Variants in SFRP2 observed in about 807,000 individuals in gnomAD.
SFRP2 encodes secreted frizzled-related protein 2.
SFRP2 carries 16 observed loss-of-function variants against 26.0 expected under a neutral mutation model. That is an observed-to-expected ratio of 0.61 (90% CI 0.42 to 0.93). SFRP2 has a LOEUF of 0.93. Ranked by LOEUF, SFRP2 falls within the 40% of genes least tolerant of loss-of-function variation. SFRP2 has a pLI of 0.00. For synonymous variants in SFRP2, 173 were observed against 167.3 expected, an observed-to-expected ratio of 1.03 and a Z score of -0.26; for missense variants, 343 against 392.4, an observed-to-expected ratio of 0.87 and a Z score of 1.06.
chr4:153,788,666 T>C lies in SFRP2; in HGVS notation c.170A>G (p.Asn57Ser). 6.2e-7 allele frequency: 1 copy of C among 1,614,138 alleles called. No individual in the cohort carries two copies. Among genetic ancestry groups the C allele is most frequent in the South Asian group, 1.1e-5 (1 of 91,084 alleles). Residue 57 changes from asparagine (N) to serine (S), a missense_variant, in exon 1 of 3, where the codon AAC becomes AGC. Coordinates refer to ENST00000274063, the MANE Select transcript of SFRP2 (RefSeq NM_003013.3). ...GCCCAGCAGGTTGGGCAGCCGCATG[T>C]TCTGGTATTCGATGCCGTGGCACAG... is the stretch of plus-strand genomic sequence containing the variant. ...LQLCHGIEYQ[N>S]MRLPNLLGHE...
In SFRP2 at chr4:153,788,290, G is replaced by C. The variant is rs560480764; in HGVS notation, c.502+44C>G. 4.9e-5 allele frequency: 77 copies of C among 1,578,394 alleles called. No homozygotes were observed. The East Asian group carries it at 1.4e-3, about 29-fold the overall frequency. On this transcript the variant is annotated intron_variant, in intron 1 of 2. Coordinates refer to ENST00000274063, the MANE Select transcript of SFRP2 (RefSeq NM_003013.3). ...GGCAGGGGCGGGATCTCCTGGGAGC[G>C]TCTCAGCCCAGCAGGGAGTGGGGAA...
chr4:153,788,530 G>C lies in SFRP2; in HGVS notation c.306C>G (p.Val102=), dbSNP rs1327889580. The change falls in exon 1 of 3, where the codon GTC becomes GTG. Residue 102 remains valine (V), a synonymous_variant. Transcript: ENST00000274063. ...KKFLCSLFAP[V]CLDDLDETIQ... ...TGGTCTCGTCTAGGTCATCGAGGCA[G>C]ACGGGGGCGAAGAGCGAGCACAGGA... The C allele has an allele frequency of 2.5e-6, 4 of 1,614,226 alleles. No individual in the cohort carries two copies. Among genetic ancestry groups the C allele is most frequent in the Non-Finnish European group, 3.4e-6 (4 of 1,180,038 alleles).
chr4:153,788,734 G>A lies in SFRP2; in HGVS notation c.102C>T (p.Ser34=). ...TGGGCTTGCAATTGCTGCGCTTGTA[G>A]GAGAAGTCGGGCTGGCCAAAGAGGA... ...GLFLFGQPDF[S]YKRSNCKPIP... The change falls in exon 1 of 3, where the codon TCC becomes TCT. Residue 34 remains serine, a synonymous_variant. Transcript: ENST00000274063. The A allele has an allele frequency of 6.2e-7, 1 of 1,613,476 alleles. No individual in the cohort carries two copies. The highest frequency in any genetic ancestry group is 8.5e-7 in the Non-Finnish European group (1 of 1,180,020).
Position 153,781,506 on chromosome 4 carries a change from T to G in SFRP2, c.833A>C (p.Lys278Thr). The G allele has an allele frequency of 6.2e-7, 1 of 1,614,140 alleles. No homozygotes were observed. Among genetic ancestry groups the G allele is most frequent in the South Asian group, 1.1e-5 (1 of 91,082 alleles). The change falls in exon 3 of 3, where the codon AAG becomes ACG. Residue 278 changes from lysine to threonine, a missense_variant. Around this residue, in one of 2 missense-constraint regions of SFRP2, gnomAD observed 92 missense variants for 139.0 expected, o/e 0.66. Transcript: ENST00000274063. ...GATGCGCTTGAACTCTCTCTGCCCC[T>G]TCTGCCACCGCTTCACCGAGGTGAT... The part of the protein sequence containing the change: ...LVITSVKRWQ[K>T]GQREFKRISR...
At position 153,788,681 on chromosome 4, in the gene SFRP2, C is replaced by T; in HGVS notation, c.155G>A (p.Gly52Asp). The change falls in exon 1 of 3, where the codon GGC becomes GAC. Residue 52 changes from glycine to aspartate, a missense_variant. By Grantham distance (94) the Gly-to-Asp change is moderately conservative. Coordinates refer to ENST00000274063, the MANE Select transcript of SFRP2 (RefSeq NM_003013.3). ...CAGCCGCATGTTCTGGTATTCGATGCCGTGGCACAGCTGCAGGTTGGCAGG... is the reference window on the plus strand; with the variant it reads ...CAGCCGCATGTTCTGGTATTCGATGTCGTGGCACAGCTGCAGGTTGGCAGG... The part of the protein sequence containing the change: ...PIPANLQLCH[G>D]IEYQNMRLPN... 1 of 1,614,124 alleles carries T rather than the reference C, an allele frequency of 6.2e-7. No homozygotes were observed. Among genetic ancestry groups the T allele is most frequent in the South Asian group, 1.1e-5 (1 of 91,088 alleles).
chr4:153,784,735 A>G (rs187522691), intron 2 of SFRP2, among the ~76,000 whole-genome samples: 44 of 152,332 alleles, frequency 2.9e-4, no homozygotes, highest in Middle Eastern at 3.4e-3. Context: ...ATATGGGTCT[A>G]TTAGACTCCA....
rs767611732 is a variant in SFRP2 at position 153,781,723 on chromosome 4, T to C, written c.616A>G (p.Ile206Val). ...LKIKVKEITY[I>V]NRDTKIILET... ...AGGATGATTTTGGTATCTCGGTTGA[T>C]GTAGGTTATCTCCTTCACTTTTATT... Residue 206 changes from isoleucine (I) to valine (V), a missense_variant, in exon 3 of 3, where the codon ATC (isoleucine) becomes GTC (valine). Physicochemically the swap from Ile to Val is conservative, Grantham distance 29 (BLOSUM62 3). This residue lies in a region of SFRP2 where 92 missense variants were observed against 139.0 expected (regional missense o/e 0.66). Coordinates refer to ENST00000274063, the MANE Select transcript of SFRP2 (RefSeq NM_003013.3). 1.2e-6 allele frequency: 2 copies of C among 1,614,166 alleles called. No homozygotes were observed. The highest frequency in any genetic ancestry group is 1.7e-6 in the Non-Finnish European group (2 of 1,180,004).
At chr4:153,783,751 T>G (rs1188978613) in intron 2 of SFRP2, among the ~76,000 whole-genome samples, 2 of 152,212 alleles carry the variant, frequency 1.3e-5, no homozygotes, top group Admixed American at 1.3e-4. Flanking sequence ...ATTTCTATGC[T>G]TGTTCCTCCT....
chr4:153,785,530 A>C (rs1469237268), intron 2 of SFRP2, among the ~76,000 whole-genome samples: 1 of 110,014 alleles, frequency 9.1e-6, no homozygotes, highest in African/African-American at 3.3e-5. Flanking sequence ...AAAAGAAAAT[A>C]GAACTCGGGA....
rs1741109699 is a variant in SFRP2, at chr4:153,781,018, C to G, written c.*433G>C. 1 of 179,744 alleles carries G rather than the reference C, an allele frequency of 5.6e-6. No individual in the cohort carries two copies. The highest frequency in any genetic ancestry group is 2.4e-5 in the African/African-American group (1 of 42,166). The allele number at this position is 179,744 out of a possible 1,614,324, so 11.1% of individuals were successfully genotyped here. ...AGCTTTATCTCAACAGGGTTTGTGA[C>G]CCACAAGTTTGGGCCACAGAGAAAA... On this transcript the variant is annotated 3_prime_UTR_variant, in exon 3 of 3. Coordinates refer to ENST00000274063, the MANE Select transcript of SFRP2 (RefSeq NM_003013.3).
rs1467749287 is a variant in SFRP2 at position 153,781,151 on chromosome 4, A to G, written c.*300T>C. 2.8e-6 allele frequency: 1 copy of G among 356,828 alleles called. No homozygotes were observed. Among genetic ancestry groups the G allele is most frequent in the Admixed American group, 4.3e-5 (1 of 23,288 alleles). 22.1% of individuals were successfully genotyped at this position (356,828 alleles called of 1,614,324 possible). The stretch of plus-strand genomic sequence containing the variant: ...CCCAAGTCACAGTTGCACCTATTCA[A>G]AACTAGCTTTAAAGTGAGCTATTTT... On this transcript the variant is annotated 3_prime_UTR_variant, in exon 3 of 3. Coordinates refer to ENST00000274063, the MANE Select transcript of SFRP2 (RefSeq NM_003013.3).
chr4:153,786,596 G>T (rs943296581), intron 1 of SFRP2, among the ~76,000 whole-genome samples: 1 of 152,122 alleles, frequency 6.6e-6, no homozygotes, highest in East Asian at 1.9e-4. Flanking sequence ...GTGTCACCTT[G>T]TGCCTCTGCC....
chr4:153,783,613 A>G (rs777642589), intron 2 of SFRP2, among the ~76,000 whole-genome samples: 1 of 152,180 alleles, frequency 6.6e-6, no homozygotes, highest in Non-Finnish European at 1.5e-5. Context: ...TAGGTTGTAT[A>G]TATAGGAAGG....
chr4:153,782,660 T>A (rs979898746), intron 2 of SFRP2, among the ~76,000 whole-genome samples: 10 of 152,246 alleles, frequency 6.6e-5, no homozygotes, highest in Non-Finnish European at 1.3e-4. Flanking sequence ...TGCTTGTTAA[T>A]ACACAAAGAA....
rs951734450 is a variant in SFRP2, at chr4:153,781,272, T to G, written c.*179A>C. Reference sequence around the variant, plus strand: ...TTAGGTGAAAACAGCTATCCACTCCTGTGGCCTTATAACTCAGGAAATGCT... The same window carrying G: ...TTAGGTGAAAACAGCTATCCACTCCGGTGGCCTTATAACTCAGGAAATGCT... On this transcript the variant is annotated 3_prime_UTR_variant, in exon 3 of 3. Transcript: ENST00000274063. The G allele has an allele frequency of 1.7e-6, 1 of 602,876 alleles. No homozygotes were observed. Among genetic ancestry groups the G allele is most frequent in the African/African-American group, 1.8e-5 (1 of 54,114 alleles). 37.3% of individuals were successfully genotyped at this position (602,876 alleles called of 1,614,324 possible).
chr4:153,782,072 G>A (rs1741130398), intron 2 of SFRP2, among the ~76,000 whole-genome samples: 1 of 152,162 alleles, frequency 6.6e-6, no homozygotes, highest in African/African-American at 2.4e-5. Flanking sequence ...AGTTGCATGT[G>A]GTGTGTGCTC....
chr4:153,788,622 C>T lies in SFRP2; in HGVS notation c.214G>A (p.Val72Met), dbSNP rs1651399964. 1.2e-6 allele frequency: 2 copies of T among 1,614,080 alleles called. No homozygotes were observed. The highest frequency in any genetic ancestry group is 1.3e-5 in the African/African-American group (1 of 74,936). Residue 72 changes from valine (V) to methionine (M), a missense_variant, in exon 1 of 3, where the codon GTG becomes ATG. This residue lies in a region of SFRP2 where 251 missense variants were observed against 253.3 expected (regional missense o/e 0.99). Transcript: ENST00000274063. ...ATCCAAGCGCCGGCCTGCTCCAGCA[C>T]CTCCTTCATGGTCTCGTGGCCCAGC... ...NLLGHETMKE[V>M]LEQAGAWIPL...
Position 153,788,412 on chromosome 4 carries a change from A to C in SFRP2, c.424T>G (p.Cys142Gly), listed in dbSNP as rs1579131655. The C allele has an allele frequency of 6.2e-7, 1 of 1,613,986 alleles. No individual in the cohort carries two copies. ...TCGTTGTCCTGGGGGAAACGGTCGC[A>C]CTCAAGCATGTCGGGCCAGGGGAAG... is the stretch of plus-strand genomic sequence containing the variant. Reference protein sequence around the residue: ...FGFPWPDMLECDRFPQDNDLC... With the variant: ...FGFPWPDMLEGDRFPQDNDLC... Residue 142 changes from cysteine to glycine, a missense_variant, in exon 1 of 3, where the codon TGC becomes GGC. Cys to Gly is a radical substitution (Grantham distance 159). Around this residue, in one of 2 missense-constraint regions of SFRP2, gnomAD observed 251 missense variants for 253.3 expected, o/e 0.99. Coordinates refer to ENST00000274063, the MANE Select transcript of SFRP2 (RefSeq NM_003013.3).
At position 153,788,856 on chromosome 4, in the gene SFRP2, G is replaced by C. The variant is rs1741265343; in HGVS notation, c.-21C>G. On this transcript the variant is annotated 5_prime_UTR_variant, in exon 1 of 3. Transcript: ENST00000274063. ...AGCATCGTGGGCGCGCGACCCCGAG[G>C]GGGCAGAGGGAGCGGAGCCGGGGAA... 3 of 1,560,658 alleles carry C rather than the reference G, an allele frequency of 1.9e-6. No individual in the cohort carries two copies. Among genetic ancestry groups the C allele is most frequent in the East Asian group, 2.3e-5 (1 of 43,182 alleles).
Sources: allele counts gnomAD v4.1 joint callset (sites outside exome capture counted in the v4.1 genomes callset), GRCh38; gene constraint gnomAD v4.1.1; regional missense constraint gnomAD v4.1.1; transcripts MANE v1.5; gene names NCBI Gene and HGNC (gene_info 2026-07-23, HGNC 2026-07-21).